The following KLF8 variants were observed in gnomAD, a reference collection of about 807,000 sequenced individuals.
KLF8 encodes the protein KLF transcription factor 8.
In KLF8, 10 loss-of-function variants were observed where a neutral mutation model predicts 18.2. That is an observed-to-expected ratio of 0.55 (90% CI 0.34 to 0.93). KLF8 has a LOEUF of 0.93. KLF8 is among the 40% of genes least tolerant of loss of function. The pLI is 0.02. For synonymous variants in KLF8, 109 were observed against 97.3 expected (o/e 1.12, Z -0.71); for missense variants, 264 against 277.9 (o/e 0.95, Z 0.36).
the KLF8 span, among the ~76,000 whole-genome samples, chrX:55,952,448 C>G: frequency 1.8e-5 from 2 of 112,005 alleles, no homozygotes; most frequent in African/African-American, 6.5e-5. Flanking sequence ...TTTCTGATGG[C>G]TCTAGGGAAT....
At chrX:56,027,955 T>A in the KLF8 span, among the ~76,000 whole-genome samples, 1 of 112,587 alleles carries the variant, frequency 8.9e-6, no homozygotes, top group African/African-American at 3.2e-5. Flanking sequence ...GCCTTTATAT[T>A]TAAGTTTTGC....
intron 3 of KLF8, chrX:56,267,964 G>T (rs2147658575): frequency 9.1e-6 from 1 of 109,455 alleles, no homozygotes; most frequent in Admixed American, 9.9e-5. Flanking sequence ...CTCCCCACTA[G>T]CCACCCCAGC....
At chrX:55,936,946 G>T in the KLF8 span, among the ~76,000 whole-genome samples, 2 of 112,127 alleles carry the variant, frequency 1.8e-5, no homozygotes, top group Non-Finnish European at 3.8e-5. Flanking sequence ...CCACCTCTGG[G>T]GGCAGGGCAC....
chrX:56,246,204 T>C (rs186047727), intron 1 of KLF8, among the ~76,000 whole-genome samples: 444 of 111,984 alleles, frequency 4.0e-3, no homozygotes, highest in African/African-American at 0.013. Context: ...TCCTTGATTG[T>C]TGCTATTAAA....
At chrX:56,031,007 A>C in the KLF8 span, among the ~76,000 whole-genome samples, 1 of 110,665 alleles carries the variant, frequency 9.0e-6, no homozygotes, top group African/African-American at 3.3e-5. Flanking sequence ...TTGAAACAAG[A>C]GACCTCTCCA....
chrX:56,120,585 C>A, the KLF8 span, among the ~76,000 whole-genome samples: 1 of 111,614 alleles, frequency 9.0e-6, no homozygotes, highest in African/African-American at 3.3e-5. Flanking sequence ...TCCAGAAATT[C>A]CCATGGTCTC....
the KLF8 span, among the ~76,000 whole-genome samples, chrX:56,181,560 A>G: frequency 2.7e-5 from 3 of 111,736 alleles, no homozygotes; most frequent in Non-Finnish European, 5.6e-5. Context: ...TCCTAGCATC[A>G]GTGGTCTTTA....
At chrX:56,055,406 C>A in the KLF8 span, among the ~76,000 whole-genome samples, 1 of 111,726 alleles carries the variant, frequency 9.0e-6, no homozygotes, top group Non-Finnish European at 1.9e-5. Context: ...TATTGTCTTT[C>A]CAGTAGGGTT....
the KLF8 span, among the ~76,000 whole-genome samples, chrX:56,095,755 C>G: frequency 9.0e-6 from 1 of 111,255 alleles, no homozygotes; most frequent in South Asian, 3.8e-4. Context: ...AATTAGATAC[C>G]ATCTCACACC....
At chrX:56,271,691 C>T (rs2067059744) in intron 5 of KLF8, among the ~76,000 whole-genome samples, 1 of 111,752 alleles carries the variant, frequency 8.9e-6, no homozygotes, top group Admixed American at 9.5e-5. Context: ...GTTTGCTTCT[C>T]TTCCATGGGA....
At chrX:56,055,811 C>G in the KLF8 span, among the ~76,000 whole-genome samples, 4 of 110,767 alleles carry the variant, frequency 3.6e-5, no homozygotes, top group Admixed American at 9.6e-5. Context: ...TTCAGAAAGC[C>G]TGTCTTAAAG....
chrX:56,279,301 CT>C (rs1471479529), intron 5 of KLF8, among the ~76,000 whole-genome samples: 3 of 111,299 alleles, frequency 2.7e-5, no homozygotes, highest in Non-Finnish European at 5.6e-5. Flanking sequence ...TGCTCTGCCC[CT>C]CTTCTCCATT....
chrX:55,971,471 A>C, the KLF8 span, among the ~76,000 whole-genome samples: 27 of 111,276 alleles, frequency 2.4e-4, no homozygotes, highest in African/African-American at 8.8e-4. Flanking sequence ...ACAAGAAAAC[A>C]TTGAGGAAAC....
the KLF8 span, among the ~76,000 whole-genome samples, chrX:55,921,108 A>G: frequency 8.9e-6 from 1 of 112,561 alleles, no homozygotes; most frequent in South Asian, 3.7e-4. Context: ...AGAACTGGAG[A>G]AAATACTTTC....
the KLF8 span, among the ~76,000 whole-genome samples, chrX:56,189,042 C>T: frequency 1.8e-5 from 2 of 111,547 alleles, no homozygotes; most frequent in South Asian, 3.7e-4. Context: ...AACTCAAGAG[C>T]TTCTGCACAG....
At chrX:55,971,374 A>C in the KLF8 span, among the ~76,000 whole-genome samples, 1 of 111,405 alleles carries the variant, frequency 9.0e-6, no homozygotes, top group African/African-American at 3.2e-5. Flanking sequence ...GACTCAAAAA[A>C]CTATACCCTT....
At chrX:56,078,980 A>G in the KLF8 span, among the ~76,000 whole-genome samples, 259 of 91,974 alleles carry the variant, frequency 2.8e-3, 5 homozygotes, top group South Asian at 0.1. Context: ...TGTGGGATCG[A>G]TGGTGATATC....
the KLF8 span, among the ~76,000 whole-genome samples, chrX:56,036,721 T>C: frequency 8.9e-6 from 1 of 111,884 alleles, no homozygotes; most frequent in Non-Finnish European, 1.9e-5. Context: ...TGAAGAATGT[T>C]ATTGGTGTCA....
chrX:55,925,171 A>ATT, the KLF8 span, among the ~76,000 whole-genome samples: 12 of 70,015 alleles, frequency 1.7e-4, no homozygotes, highest in African/African-American at 6.4e-4. Context: ...TGGTGGTTTC[A>ATT]TTTTTTTTTT....
Sources: gnomAD v4.1 joint callset for allele counts (sites outside exome capture counted in the v4.1 genomes callset) on GRCh38, gnomAD v4.1.1 for gene constraint, MANE v1.5 for transcripts, NCBI Gene and HGNC (gene_info 2026-07-23, HGNC 2026-07-21) for gene names.